FGF12: variants seen among roughly 807,000 people sequenced by gnomAD.
The protein encoded by FGF12 is fibroblast growth factor 12.
FGF12 carries 14 observed loss-of-function variants against 23.6 expected under a neutral mutation model. That is an observed-to-expected ratio of 0.59 (90% CI 0.39 to 0.93). FGF12 has a LOEUF of 0.93. Ranked by LOEUF, FGF12 falls within the 40% of genes least tolerant of loss-of-function variation. The pLI is 0.00. For synonymous variants in FGF12, 62 were observed against 77.3 expected (o/e 0.80, Z 1.04); for missense variants, 175 against 217.8 (o/e 0.80, Z 1.24).
intron 2 of FGF12, among the ~76,000 whole-genome samples, chr3:192,530,312 G>A (rs1230145329): frequency 6.6e-6 from 1 of 152,072 alleles, no homozygotes; most frequent in Non-Finnish European, 1.5e-5. Context: ...AATAGAGTGA[G>A]TATTCATACT....
At chr3:192,236,274 C>T (rs904315028) in intron 4 of FGF12, among the ~76,000 whole-genome samples, 1 of 152,084 alleles carries the variant, frequency 6.6e-6, no homozygotes, top group African/African-American at 2.4e-5. Context: ...TGCTATATGG[C>T]CAAGCATGTG....
At chr3:192,178,533 C>G (rs1467772368) in intron 4 of FGF12, among the ~76,000 whole-genome samples, 1 of 152,098 alleles carries the variant, frequency 6.6e-6, no homozygotes, top group Non-Finnish European at 1.5e-5. Flanking sequence ...GAGTCTCGCT[C>G]TGTCACCCAG....
chr3:192,546,624 C>A (rs1177882079), intron 2 of FGF12, among the ~76,000 whole-genome samples: 1 of 152,090 alleles, frequency 6.6e-6, no homozygotes, highest in Non-Finnish European at 1.5e-5. Flanking sequence ...AGGGCAGGAA[C>A]TTTATCTGAT....
At chr3:192,219,682 C>T (rs978161035) in intron 4 of FGF12, among the ~76,000 whole-genome samples, 3 of 152,174 alleles carry the variant, frequency 2.0e-5, no homozygotes, top group Admixed American at 6.5e-5. Flanking sequence ...AAGACCTACA[C>T]GATCAGAAAT....
chr3:192,658,070 C>G (rs535126526), intron 2 of FGF12, among the ~76,000 whole-genome samples: 1 of 151,872 alleles, frequency 6.6e-6, no homozygotes, highest in African/African-American at 2.4e-5. Flanking sequence ...AGTACACTGA[C>G]AGAGACGCTG....
At chr3:192,351,175 T>A (rs1560081109) in intron 3 of FGF12, among the ~76,000 whole-genome samples, 1 of 152,338 alleles carries the variant, frequency 6.6e-6, no homozygotes, top group African/African-American at 2.4e-5. Context: ...ATCATTGTCA[T>A]CTTGTAGGCT....
intron 2 of FGF12, among the ~76,000 whole-genome samples, chr3:192,472,950 T>C (rs1723213920): frequency 6.6e-6 from 1 of 152,214 alleles, no homozygotes; most frequent in South Asian, 2.1e-4. Flanking sequence ...TATCACCTGT[T>C]CTGAGAAGTC....
At position 192,246,076 on chromosome 3, in the gene FGF12, C is replaced by T. The variant is rs139553499; in HGVS notation, c.229-75420G>A. 2.0e-5 allele frequency among the ~76,000 whole-genome samples: 3 copies of T among 152,228 alleles called. No homozygotes were observed. The East Asian group carries it at 5.8e-4, about 29-fold the overall frequency. ...GTTTTTAATAACATCAGAACATAAACATAACTTCAAAACATTTACCGGAAA... is the reference window on the plus strand; with the variant it reads ...GTTTTTAATAACATCAGAACATAAATATAACTTCAAAACATTTACCGGAAA... On this transcript the variant is annotated intron_variant, in intron 4 of 5. Transcript: ENST00000445105.
chr3:192,340,297 C>A (rs796226705), intron 3 of FGF12, among the ~76,000 whole-genome samples: 5 of 152,204 alleles, frequency 3.3e-5, no homozygotes, highest in African/African-American at 1.2e-4. Context: ...TCTAAAAAAT[C>A]TGTTTCCTCT....
chr3:192,269,196 A>G (rs1440506377), intron 4 of FGF12, among the ~76,000 whole-genome samples: 1 of 152,198 alleles, frequency 6.6e-6, no homozygotes, highest in Admixed American at 6.5e-5. Flanking sequence ...CTGAGATTAC[A>G]GGCATGAGCT....
At chr3:192,397,579 G>T (rs566671685) in intron 2 of FGF12, among the ~76,000 whole-genome samples, 2 of 152,112 alleles carry the variant, frequency 1.3e-5, no homozygotes, top group Non-Finnish European at 2.9e-5. Context: ...AGAAACTTGG[G>T]TTTCCATAGA....
At chr3:192,194,164 C>A (rs1332054888) in intron 4 of FGF12, among the ~76,000 whole-genome samples, 3 of 152,134 alleles carry the variant, frequency 2.0e-5, no homozygotes, top group African/African-American at 7.2e-5. Flanking sequence ...AGCAGAAATC[C>A]ATTCACATAG....
chr3:192,577,340 G>C (rs1015508311), intron 2 of FGF12, among the ~76,000 whole-genome samples: 3 of 152,180 alleles, frequency 2.0e-5, no homozygotes, highest in African/African-American at 4.8e-5. Context: ...CTTAGTGCAA[G>C]AAATAGAATC....
At chr3:192,578,739 C>T (rs923661120) in intron 2 of FGF12, among the ~76,000 whole-genome samples, 5 of 152,118 alleles carry the variant, frequency 3.3e-5, no homozygotes, top group African/African-American at 1.2e-4. Context: ...AAAAAAACAA[C>T]TCCCTGGACA....
In FGF12 at chr3:192,578,562, G is replaced by C. The variant is rs572944833; in HGVS notation, c.13+148619C>G. ...GCCTCTCAGATTAGATTTGTAAGTA[G>C]GAAGTGTGTCTTTAATTTTTGTCCC... On this transcript the variant is annotated intron_variant, in intron 2 of 5. Coordinates refer to ENST00000445105, the MANE Select transcript of FGF12 (RefSeq NM_004113.6). Among the ~76,000 whole-genome samples, 3 of 152,248 alleles carry C rather than the reference G, an allele frequency of 2.0e-5. No homozygotes were observed. In the East Asian group the frequency reaches 5.8e-4, roughly 29 times the overall value.
chr3:192,404,736 T>G (rs1720894035), intron 2 of FGF12, among the ~76,000 whole-genome samples: 1 of 152,170 alleles, frequency 6.6e-6, no homozygotes, highest in South Asian at 2.1e-4. Flanking sequence ...GTCTCCAATA[T>G]TTCATTTTCA....
At chr3:192,600,384 G>T (rs865893461) in intron 2 of FGF12, among the ~76,000 whole-genome samples, 1 of 151,608 alleles carries the variant, frequency 6.6e-6, no homozygotes, top group Non-Finnish European at 1.5e-5. Flanking sequence ...GGTCTTTTGT[G>T]GTTCCATACA....
intron 2 of FGF12, among the ~76,000 whole-genome samples, chr3:192,389,602 A>C (rs987297775): frequency 6.6e-6 from 1 of 152,212 alleles, no homozygotes; most frequent in South Asian, 2.1e-4. Context: ...AGATCAACTC[A>C]ACTTTATTTT....
chr3:192,525,376 ACTAT>A (rs1404925187), intron 2 of FGF12, among the ~76,000 whole-genome samples: 1 of 152,152 alleles, frequency 6.6e-6, no homozygotes, highest in African/African-American at 2.4e-5. Flanking sequence ...ACTACATCTA[ACTAT>A]CCAGTTTCCA....
Sources: allele counts gnomAD v4.1 joint callset (sites outside exome capture counted in the v4.1 genomes callset), GRCh38; gene constraint gnomAD v4.1.1; transcripts MANE v1.5; gene names NCBI Gene and HGNC (gene_info 2026-07-23, HGNC 2026-07-21).